Variants in PPFIA2 observed in about 807,000 individuals in gnomAD.
The protein encoded by PPFIA2 is liprin-alpha-2.
A neutral mutation model predicts 175.5 loss-of-function variants in PPFIA2; 46 were observed. The observed-to-expected ratio is 0.26, with a 90% CI of 0.21 to 0.34. The LOEUF is 0.34. Among genes scored for constraint, PPFIA2 ranks in the 10% least tolerant of loss-of-function variants. The pLI is 1.00. For missense variants in PPFIA2, 1,179 were observed against 1,506.1 expected, an observed-to-expected ratio of 0.78 and a Z score of 3.60; for synonymous variants, 568 against 511.4, an observed-to-expected ratio of 1.11 and a Z score of -1.49.
chr12:81,288,020 T>C (rs962700835), intron 24 of PPFIA2, among the ~76,000 whole-genome samples: 10 of 151,850 alleles, frequency 6.6e-5, no homozygotes, highest in Non-Finnish European at 1.2e-4. Flanking sequence ...CATTTTTTTG[T>C]GGCTAATATC....
At chr12:81,260,471 G>A (rs1344653022) in intron 32 of PPFIA2, 1 of 152,122 alleles carries the variant, frequency 6.6e-6, no homozygotes, top group Non-Finnish European at 1.5e-5. Flanking sequence ...ATAATGCTAT[G>A]TGTAGAATCT....
chr12:81,467,140 C>T (rs2055814205), intron 4 of PPFIA2, among the ~76,000 whole-genome samples: 1 of 151,846 alleles, frequency 6.6e-6, no homozygotes, highest in African/African-American at 2.4e-5. Flanking sequence ...TCTACTATAT[C>T]ATTAGCAAAC....
chr12:81,539,060 G>A (rs2065833157), intron 4 of PPFIA2, among the ~76,000 whole-genome samples: 1 of 151,942 alleles, frequency 6.6e-6, no homozygotes. Context: ...GGGTTGTATT[G>A]TGTGAAAGAG....
chr12:81,752,747 A>G (rs917139408), intron 3 of PPFIA2, among the ~76,000 whole-genome samples: 1 of 152,120 alleles, frequency 6.6e-6, no homozygotes, highest in African/African-American at 2.4e-5. Flanking sequence ...ATTTATAAAG[A>G]TATCTTTGCT....
chr12:81,617,370 A>T (rs1157368423), intron 4 of PPFIA2, among the ~76,000 whole-genome samples: 1 of 152,120 alleles, frequency 6.6e-6, no homozygotes. Flanking sequence ...TTATTTTCCC[A>T]CCACTAGTCT....
chr12:81,586,704 T>A (rs147014066), intron 4 of PPFIA2, among the ~76,000 whole-genome samples: 1,576 of 151,906 alleles, frequency 0.01, 29 homozygotes, highest in African/African-American at 0.033. Flanking sequence ...TTATATTATA[T>A]AAGCACAAAA....
At chr12:81,685,900 T>A (rs2074364304) in intron 3 of PPFIA2, among the ~76,000 whole-genome samples, 1 of 152,092 alleles carries the variant, frequency 6.6e-6, no homozygotes, top group Non-Finnish European at 1.5e-5. Context: ...AGAGCTCTAC[T>A]GCCGCATTAG....
chr12:81,352,966 A>G (rs2140935524), intron 17 of PPFIA2, among the ~76,000 whole-genome samples, 153 bp downstream of exon 17: 1 of 152,326 alleles, frequency 6.6e-6, no homozygotes, highest in South Asian at 2.1e-4. Flanking sequence ...GAAAATACAC[A>G]TTCTGATTCA....
chr12:81,382,109 G>A (rs575730886), intron 9 of PPFIA2, among the ~76,000 whole-genome samples: 1 of 152,192 alleles, frequency 6.6e-6, no homozygotes, highest in Non-Finnish European at 1.5e-5. Context: ...AAAGAAGAGG[G>A]AGAGTGTATA....
intron 7 of PPFIA2, chr12:81,430,697 C>T (rs1195464018): frequency 6.6e-6 from 1 of 152,008 alleles, no homozygotes; most frequent in African/African-American, 2.4e-5. Flanking sequence ...ATCTATTCAC[C>T]TTTTCCAGTT....
chr12:81,386,617 G>C (rs1279618856), intron 8 of PPFIA2, among the ~76,000 whole-genome samples: 4 of 151,658 alleles, frequency 2.6e-5, no homozygotes, highest in Admixed American at 6.6e-5. Context: ...GTGAGGCTCT[G>C]ACCAATAGTA....
rs1309345839 is a variant in PPFIA2, at chr12:81,363,686, CT to C, written c.1546-903del. 2.6e-5 allele frequency among the ~76,000 whole-genome samples: 4 copies of C among 151,196 alleles called. No homozygotes were observed. In the Admixed American group the frequency reaches 2.6e-4, roughly 10 times the overall value. On this transcript the variant is annotated intron_variant, in intron 14 of 32. Coordinates refer to ENST00000549396, the MANE Select transcript of PPFIA2 (RefSeq NM_003625.5). Reference sequence around the variant, plus strand: ...CTTTGCAATGTTTCTCTTTTCTGTTCTTTTTATTCTCACTACGTCACTACCA... The same window carrying C: ...CTTTGCAATGTTTCTCTTTTCTGTTCTTTTATTCTCACTACGTCACTACCA...
intron 22 of PPFIA2, among the ~76,000 whole-genome samples, chr12:81,309,441 C>T (rs1449744250): frequency 6.6e-6 from 1 of 152,020 alleles, no homozygotes; most frequent in African/African-American, 2.4e-5. Flanking sequence ...CCTAACTATA[C>T]ATATTTAGCT....
At chr12:81,694,752 G>A (rs569369132) in intron 3 of PPFIA2, among the ~76,000 whole-genome samples, 3 of 152,258 alleles carry the variant, frequency 2.0e-5, no homozygotes, top group African/African-American at 4.8e-5. Context: ...AGATCCACCA[G>A]CAGCTTGCAA....
rs79260033 is a variant in PPFIA2 at position 81,434,771 on chromosome 12, G to A, written c.645+5201C>T. ...CTCCATAAAATGATCTAGTATTGAT[G>A]TCATTATGGACAATAAAATCTGACT... is the stretch of plus-strand genomic sequence containing the variant. On this transcript the variant is annotated intron_variant, in intron 7 of 32. Transcript: ENST00000549396. Among the ~76,000 whole-genome samples the A allele has an allele frequency of 2.4e-3, 371 of 151,968 alleles. 7 individuals carry two copies. The East Asian group carries it at 0.028, about 11-fold the overall frequency.
intron 4 of PPFIA2, among the ~76,000 whole-genome samples, chr12:81,587,235 G>A (rs1042622763): frequency 2.0e-5 from 3 of 151,936 alleles, no homozygotes; most frequent in Admixed American, 6.6e-5. Context: ...GTCGAGGGAG[G>A]GGAGTGATTG....
chr12:81,556,011 G>C (rs951252345), intron 4 of PPFIA2, among the ~76,000 whole-genome samples: 1 of 151,814 alleles, frequency 6.6e-6, no homozygotes, highest in Non-Finnish European at 1.5e-5. Flanking sequence ...ACTAAGAAAT[G>C]TTTATGTTTA....
intron 7 of PPFIA2, among the ~76,000 whole-genome samples, chr12:81,422,236 C>T (rs1012573017): frequency 6.6e-6 from 1 of 150,980 alleles, no homozygotes; most frequent in Admixed American, 6.6e-5. Flanking sequence ...AAGTAAATGC[C>T]ATCCTGTTAC....
At chr12:81,570,706 A>G (rs914998816) in intron 4 of PPFIA2, among the ~76,000 whole-genome samples, 5 of 148,760 alleles carry the variant, frequency 3.4e-5, no homozygotes, top group African/African-American at 1.2e-4. Flanking sequence ...TTACATAAAA[A>G]TATAATATTT....
Sources: gnomAD v4.1 joint callset for allele counts (sites outside exome capture counted in the v4.1 genomes callset) on GRCh38, gnomAD v4.1.1 for gene constraint, MANE v1.5 for transcripts, NCBI Gene and HGNC (gene_info 2026-07-23, HGNC 2026-07-21) for gene names.